Variants in ANKS1B observed in about 807,000 individuals in gnomAD.
The protein encoded by ANKS1B is ankyrin repeat and sterile alpha motif domain-containing protein 1B.
ANKS1B carries 36 observed loss-of-function variants against 148.3 expected under a neutral mutation model. The ratio of observed to expected loss-of-function variants is 0.24; its 90% confidence interval spans 0.19 to 0.32. ANKS1B has a LOEUF of 0.32. Ranked by LOEUF, ANKS1B falls within the 10% of genes least tolerant of loss-of-function variation. ANKS1B has a pLI of 1.00. For synonymous variants in ANKS1B, 542 were observed against 560.8 expected (o/e 0.97, Z 0.47); for missense variants, 1,157 against 1,542.6 (o/e 0.75, Z 4.19).
intron 14 of ANKS1B, among the ~76,000 whole-genome samples, chr12:99,221,326 G>A (rs1468994348): frequency 6.6e-6 from 1 of 152,042 alleles, no homozygotes; most frequent in Non-Finnish European, 1.5e-5. Flanking sequence ...GGTGACAGAG[G>A]AAGACTCCAT....
chr12:99,806,287 C>G (rs919989029), intron 4 of ANKS1B, 117 bp downstream of exon 4: 6 of 1,304,740 alleles, frequency 4.6e-6, no homozygotes, highest in Non-Finnish European at 6.3e-6. Flanking sequence ...TCAGTAGTTA[C>G]AAAAGTACTT....
intron 19 of ANKS1B, among the ~76,000 whole-genome samples, chr12:98,815,903 A>C (rs920340681): frequency 2.0e-5 from 3 of 152,142 alleles, no homozygotes; most frequent in African/African-American, 7.2e-5. Context: ...TACAGCCAAA[A>C]TGACCCATCT....
chr12:99,209,925 G>A (rs1566637774), intron 14 of ANKS1B, among the ~76,000 whole-genome samples: 1 of 151,864 alleles, frequency 6.6e-6, no homozygotes, highest in Non-Finnish European at 1.5e-5. Flanking sequence ...CCTCCCCTCT[G>A]ACCAGAGACA....
At chr12:99,831,375 G>C (rs2083961712) in intron 1 of ANKS1B, among the ~76,000 whole-genome samples, 1 of 152,030 alleles carries the variant, frequency 6.6e-6, no homozygotes, top group South Asian at 2.1e-4. Flanking sequence ...TTTCTGGAAG[G>C]CAATTTGACA....
At chr12:98,988,335 A>C (rs183030425) in intron 17 of ANKS1B, among the ~76,000 whole-genome samples, 1 of 152,026 alleles carries the variant, frequency 6.6e-6, no homozygotes, top group Non-Finnish European at 1.5e-5. Context: ...TTTAGATTCC[A>C]TATGGTGAGA....
chr12:99,617,188 T>C (rs910708434), intron 9 of ANKS1B, among the ~76,000 whole-genome samples: 1 of 152,192 alleles, frequency 6.6e-6, no homozygotes, highest in Non-Finnish European at 1.5e-5. Flanking sequence ...TTTTACACCA[T>C]TGGTGGGAGT....
intron 9 of ANKS1B, among the ~76,000 whole-genome samples, chr12:99,539,727 T>G (rs1419974142): frequency 6.6e-6 from 1 of 152,118 alleles, no homozygotes; most frequent in Non-Finnish European, 1.5e-5. Context: ...TTTGTTTGTT[T>G]TAGGTTTTGC....
chr12:99,738,969 C>G (rs957322353), intron 8 of ANKS1B, among the ~76,000 whole-genome samples: 1 of 152,046 alleles, frequency 6.6e-6, no homozygotes, highest in African/African-American at 2.4e-5. Context: ...TATACTAATA[C>G]TAAGTACTCT....
intron 9 of ANKS1B, among the ~76,000 whole-genome samples, chr12:99,514,870 T>C (rs945898943): frequency 5.3e-5 from 8 of 152,004 alleles, no homozygotes; most frequent in Admixed American, 1.3e-4. Context: ...ATCCTGGTAA[T>C]AGGCAAGAGG....
At chr12:99,721,013 C>T (rs989401603) in intron 8 of ANKS1B, among the ~76,000 whole-genome samples, 1 of 152,194 alleles carries the variant, frequency 6.6e-6, no homozygotes, top group African/African-American at 2.4e-5. Context: ...AATTCTTAGA[C>T]CTTTAATACC....
At chr12:99,906,251 T>C (rs7138269) in intron 1 of ANKS1B, among the ~76,000 whole-genome samples, 121,973 of 152,136 alleles carry the variant, frequency 0.8, 49,572 homozygotes, top group East Asian at 0.99. Flanking sequence ...GGACTGGCAA[T>C]GAAGAGGAAA....
At position 98,769,412 on chromosome 12, in the gene ANKS1B, A is replaced by G. The variant is rs540732572; in HGVS notation, c.3579+3630T>C. 3.6e-3 allele frequency among the ~76,000 whole-genome samples: 547 copies of G among 151,944 alleles called. 9 individuals are homozygous for G. The highest frequency in any genetic ancestry group is 2.1e-3 in the Non-Finnish European group (145 of 67,940). ...AATTTTGAGGTTTGACAAACTGTTC[A>G]CCTGGAGAAGATTAAAATGGAGGAT... On this transcript the variant is annotated intron_variant, in intron 25 of 26. Coordinates refer to ENST00000683438, the MANE Select transcript of ANKS1B (RefSeq NM_001352186.2).
Position 98,745,375 on chromosome 12 carries a change from C to CCTTTTTTTTTTTTT in ANKS1B, c.*363_*364insAAAAAAAAAAAAAG, listed in dbSNP as rs2097857299. Reference sequence around the variant, plus strand: ...TAGGCAGTATTAGAGATCCCCTTTACTTTTTTTTTTTTTTTTTTTTTTTTA... The same window carrying CCTTTTTTTTTTTTT: ...TAGGCAGTATTAGAGATCCCCTTTACCTTTTTTTTTTTTTTTTTTTTTTTTTTTTTTTTTTTTTA... On this transcript the variant is annotated 3_prime_UTR_variant, in exon 27 of 27. Transcript: ENST00000683438. The CCTTTTTTTTTTTTT allele has an allele frequency of 2.2e-6, 2 of 913,714 alleles. No homozygotes were observed. The highest frequency in any genetic ancestry group is 2.5e-6 in the Non-Finnish European group (2 of 792,678). The allele number at this position is 913,714 out of a possible 1,614,324, so 56.6% of individuals were successfully genotyped here.
intron 16 of ANKS1B, among the ~76,000 whole-genome samples, chr12:99,077,102 G>A (rs1275232740): frequency 6.6e-6 from 1 of 152,164 alleles, no homozygotes; most frequent in Non-Finnish European, 1.5e-5. Context: ...TCAGAACTGA[G>A]TGGAGCTTGT....
intron 4 of ANKS1B, among the ~76,000 whole-genome samples, chr12:99,797,664 G>GA (rs374080704): frequency 0.012 from 1,739 of 146,428 alleles, 29 homozygotes; most frequent in African/African-American, 0.04. Context: ...CCTTTTAGGG[G>GA]AAAAAAAAAA....
intron 9 of ANKS1B, among the ~76,000 whole-genome samples, chr12:99,610,746 G>T (rs1461804391): frequency 6.6e-6 from 1 of 152,092 alleles, no homozygotes; most frequent in Non-Finnish European, 1.5e-5. Flanking sequence ...TAATTTATAG[G>T]ATTCAACCTT....
At chr12:99,128,940 G>C (rs2065236569) in intron 15 of ANKS1B, among the ~76,000 whole-genome samples, 1 of 152,210 alleles carries the variant, frequency 6.6e-6, no homozygotes. Flanking sequence ...CTTGGAGGAT[G>C]ATTGTGAGTA....
In ANKS1B at chr12:99,161,676, C is replaced by T. The variant is rs548998034; in HGVS notation, c.2420-7281G>A. 2.0e-5 allele frequency among the ~76,000 whole-genome samples: 3 copies of T among 152,078 alleles called. No homozygotes were observed. In the South Asian group the frequency reaches 6.2e-4, roughly 31 times the overall value. On this transcript the variant is annotated intron_variant, in intron 14 of 26. Coordinates refer to ENST00000683438, the MANE Select transcript of ANKS1B (RefSeq NM_001352186.2). ...ACAGAGAAAGACAGTTATGAAGAGC[C>T]CTGTTGAGGTCAAAAGAAACTTCAA...
chr12:99,941,254 T>A (rs973722578), intron 1 of ANKS1B, among the ~76,000 whole-genome samples: 14 of 152,052 alleles, frequency 9.2e-5, no homozygotes, highest in Non-Finnish European at 2.1e-4. Context: ...AACTGAAGAA[T>A]GTTTATTTGG....
Sources: gnomAD v4.1 joint callset for allele counts (sites outside exome capture counted in the v4.1 genomes callset) on GRCh38, gnomAD v4.1.1 for gene constraint, MANE v1.5 for transcripts, NCBI Gene and HGNC (gene_info 2026-07-23, HGNC 2026-07-21) for gene names.